Variants in PHACTR2 observed in about 807,000 individuals in gnomAD.
PHACTR2 encodes phosphatase and actin regulator 2, also known as chromosome 6 open reading frame 56.
A neutral mutation model predicts 76.0 loss-of-function variants in PHACTR2; 30 were observed. That is an observed-to-expected ratio of 0.39 (90% CI 0.30 to 0.54). PHACTR2 has a LOEUF of 0.54. PHACTR2 is among the 20% of genes least tolerant of loss of function. The pLI is 0.61. For missense variants in PHACTR2, 696 were observed against 781.1 expected, an observed-to-expected ratio of 0.89 and a Z score of 1.30; for synonymous variants, 292 against 292.5, an observed-to-expected ratio of 1.00 and a Z score of 0.02.
chr6:143,603,333 C>T (rs1269934242), upstream of PHACTR2, among the ~76,000 whole-genome samples: 1 of 150,760 alleles, frequency 6.6e-6, no homozygotes, highest in Non-Finnish European at 1.5e-5. Context: ...ATTTTGCAGT[C>T]GGGGAGAGGG....
intron 9 of PHACTR2, among the ~76,000 whole-genome samples, chr6:143,779,171 G>A (rs1382940084): frequency 1.3e-5 from 2 of 152,172 alleles, no homozygotes; most frequent in Non-Finnish European, 2.9e-5. Flanking sequence ...GCAGTCACAG[G>A]AAACTGAATG....
intron 6 of PHACTR2, among the ~76,000 whole-genome samples, chr6:143,771,212 A>ATG (rs1775123224): frequency 1.1e-5 from 1 of 94,948 alleles, no homozygotes; most frequent in African/African-American, 5.0e-5. Context: ...ATATATATAT[A>ATG]TATATATATA....
Position 143,822,362 on chromosome 6 carries a change from G to A in PHACTR2, c.1923-1312G>A, listed in dbSNP as rs1047925754. 1.3e-5 allele frequency among the ~76,000 whole-genome samples: 2 copies of A among 151,998 alleles called. No individual in the cohort carries two copies. The highest frequency in any genetic ancestry group is 2.9e-5 in the Non-Finnish European group (2 of 67,988). On this transcript the variant is annotated intron_variant, in intron 12 of 12. Coordinates refer to ENST00000440869, the MANE Select transcript of PHACTR2 (RefSeq NM_001100164.2). The surrounding 1 kb of genome is among the most constrained non-coding windows in gnomAD (Gnocchi z 5.5). ...TTTTGTAGGTAATGGGGAACAATAC[G>A]ATCCTTTTGAGAAAGAACTGGGTTG...
chr6:143,636,858 G>A (rs997821488), intron 1 of PHACTR2, among the ~76,000 whole-genome samples: 2 of 152,132 alleles, frequency 1.3e-5, no homozygotes, highest in Admixed American at 6.5e-5. Flanking sequence ...CATAAATGTC[G>A]AGTCCTTTTG....
In PHACTR2 at chr6:143,688,272, G is replaced by C. The variant is rs73778664; in HGVS notation, c.46+10063G>C. Among the ~76,000 whole-genome samples, 458 of 152,094 alleles carry C rather than the reference G, an allele frequency of 3.0e-3. 2 individuals carry two copies. Among genetic ancestry groups the C allele is most frequent in the African/African-American group, 0.011 (440 of 41,488 alleles). ...ATGCAGTATAGATTTCATGGGGAGA[G>C]ACTGAAAGTGGGACCAAGAAGTAGG... On this transcript the variant is annotated intron_variant, in intron 1 of 12. Coordinates refer to ENST00000440869, the MANE Select transcript of PHACTR2 (RefSeq NM_001100164.2). The surrounding 1 kb of genome is among the most constrained non-coding windows in gnomAD (Gnocchi z 5.2).
rs143493093 is a variant in PHACTR2 at position 143,589,607 on chromosome 6, C to T, written c.217+52400C>T. On this transcript the variant is annotated intron_variant, in intron 1 of 11. Coordinates refer to the PHACTR2 transcript ENST00000367584. This position sits in a 1 kb window ranked among gnomAD's most constrained non-coding sequence, Gnocchi z 4.4. The stretch of plus-strand genomic sequence containing the variant: ...GGTCTTTTCTCTGTGTGTTCACTTC[C>T]GGTGTCTCTGTGTCCAAATTTCCTC... Among the ~76,000 whole-genome samples the T allele has an allele frequency of 2.0e-4, 31 of 152,270 alleles. No homozygotes were observed. The highest frequency in any genetic ancestry group is 8.3e-4 in the South Asian group (4 of 4,820).
At chr6:143,559,929 T>C (rs1386314347) in intron 1 of PHACTR2, among the ~76,000 whole-genome samples, 1 of 152,014 alleles carries the variant, frequency 6.6e-6, no homozygotes, top group Non-Finnish European at 1.5e-5. Flanking sequence ...CAGGCTGGTC[T>C]TGAAATCCCA....
At chr6:143,682,221 T>C (rs2128453406) in intron 1 of PHACTR2, among the ~76,000 whole-genome samples, 1 of 152,354 alleles carries the variant, frequency 6.6e-6, no homozygotes, top group African/African-American at 2.4e-5. Context: ...TTCCATTTCT[T>C]TGTATCTTCT....
At chr6:143,566,724 A>G (rs1472223273) in intron 1 of PHACTR2, among the ~76,000 whole-genome samples, 2 of 151,630 alleles carry the variant, frequency 1.3e-5, no homozygotes, top group Middle Eastern at 3.4e-3. Flanking sequence ...CCTCATGCCT[A>G]TCTGCTTGCC....
In PHACTR2 at chr6:143,550,310, T is replaced by G. The variant is rs1374085598; in HGVS notation, c.217+13103T>G. On this transcript the variant is annotated intron_variant, in intron 1 of 11. Transcript: ENST00000367584. This position sits in a 1 kb window ranked among gnomAD's most constrained non-coding sequence, Gnocchi z 4.8. ...ACGCTGCTGGTCCTCGGACCACACT[T>G]CAAGGGAAGCAAGTCTGTATGGAGA... Among the ~76,000 whole-genome samples, 1 of 152,004 alleles carries G rather than the reference T, an allele frequency of 6.6e-6. No homozygotes were observed. The highest frequency in any genetic ancestry group is 1.5e-5 in the Non-Finnish European group (1 of 67,950).
In PHACTR2 at chr6:143,794,931, G is replaced by A. The variant is rs1421568509; in HGVS notation, c.1845+6021G>A. ...AAGCTACCACCTTGCATTTTAAAGA[G>A]TAGTAGCCAATCAGTCAGTAATTAA... On this transcript the variant is annotated intron_variant, in intron 11 of 12. Coordinates refer to ENST00000440869, the MANE Select transcript of PHACTR2 (RefSeq NM_001100164.2). The surrounding 1 kb of genome is among the most constrained non-coding windows in gnomAD (Gnocchi z 4.1). 2.6e-5 allele frequency among the ~76,000 whole-genome samples: 4 copies of A among 152,138 alleles called. No homozygotes were observed. The highest frequency in any genetic ancestry group is 9.7e-5 in the African/African-American group (4 of 41,418).
intron 11 of PHACTR2, among the ~76,000 whole-genome samples, chr6:143,802,016 C>T (rs181013035): frequency 1.1e-4 from 16 of 152,288 alleles, no homozygotes; most frequent in Admixed American, 9.2e-4. Context: ...GCATTTTCAA[C>T]AAATCACCTG....
chr6:143,766,334 G>A (rs897131460), intron 6 of PHACTR2, among the ~76,000 whole-genome samples: 33 of 152,268 alleles, frequency 2.2e-4, no homozygotes, highest in African/African-American at 7.2e-4. Context: ...TGGTTATTGT[G>A]TCTACTATAC....
chr6:143,704,534 TA>T (rs1778000485), intron 1 of PHACTR2, among the ~76,000 whole-genome samples: 1 of 152,212 alleles, frequency 6.6e-6, no homozygotes, highest in South Asian at 2.1e-4. Context: ...TTTTAAAATA[TA>T]AACTTGATTT....
chr6:143,773,787 A>G (rs1319654660), intron 7 of PHACTR2, among the ~76,000 whole-genome samples: 3 of 152,256 alleles, frequency 2.0e-5, no homozygotes, highest in South Asian at 2.1e-4. Flanking sequence ...AACTGCAGCT[A>G]TCACTTTCCA....
At chr6:143,643,625 G>A (rs569953182) in intron 1 of PHACTR2, among the ~76,000 whole-genome samples, 1 of 152,302 alleles carries the variant, frequency 6.6e-6, no homozygotes, top group African/African-American at 2.4e-5. Flanking sequence ...ATTACTAGAA[G>A]TGAACAGAAG....
At position 143,726,572 on chromosome 6, in the gene PHACTR2, T is replaced by A. The variant is rs937719547; in HGVS notation, c.214+14389T>A. On this transcript the variant is annotated intron_variant, in intron 2 of 12. Transcript: ENST00000440869. Reference sequence around the variant, plus strand: ...CCTAGCATAATGTCCTCAAGTTTCCTCCATGCTGTAGCATGTGACAAGATT... The same window carrying A: ...CCTAGCATAATGTCCTCAAGTTTCCACCATGCTGTAGCATGTGACAAGATT... Among the ~76,000 whole-genome samples the A allele has an allele frequency of 5.3e-5, 8 of 152,348 alleles. No individual in the cohort carries two copies. The East Asian group carries it at 1.5e-3, about 29-fold the overall frequency.
In PHACTR2 at chr6:143,722,713, T is replaced by C. The variant is rs971421325; in HGVS notation, c.214+10530T>C. On this transcript the variant is annotated intron_variant, in intron 2 of 12. Coordinates refer to ENST00000440869, the MANE Select transcript of PHACTR2 (RefSeq NM_001100164.2). This position sits in a 1 kb window ranked among gnomAD's most constrained non-coding sequence, Gnocchi z 4.1. ...TGCTACTGAACACTAGATCTATTCT[T>C]TCTATCTAACTGTACATTTGTACCC... 2.0e-5 allele frequency among the ~76,000 whole-genome samples: 3 copies of C among 152,146 alleles called. No homozygotes were observed. Among genetic ancestry groups the C allele is most frequent in the Admixed American group, 2.0e-4 (3 of 15,276 alleles).
At chr6:143,790,892 T>C (rs949868336) in intron 11 of PHACTR2, among the ~76,000 whole-genome samples, 1 of 152,192 alleles carries the variant, frequency 6.6e-6, no homozygotes, top group African/African-American at 2.4e-5. Context: ...TTAGCCAGGA[T>C]GGTCTCCATC....
Sources: allele counts gnomAD v4.1 joint callset (sites outside exome capture counted in the v4.1 genomes callset), GRCh38; gene constraint gnomAD v4.1.1; non-coding constraint Gnocchi (gnomAD v3.1); transcripts MANE v1.5; gene names NCBI Gene and HGNC (gene_info 2026-07-23, HGNC 2026-07-21).